The following HNRNPA1L2 variants were observed in gnomAD, a reference collection of about 807,000 sequenced individuals.
The protein encoded by HNRNPA1L2 is heterogeneous nuclear ribonucleoprotein A1 like 2, also known as heterogeneous nuclear ribonucleoprotein A1-like 2.
HNRNPA1L2 carries 10 observed loss-of-function variants against 18.2 expected under a neutral mutation model. That is an observed-to-expected ratio of 0.55 (90% CI 0.34 to 0.93). The LOEUF is 0.93. Ranked by LOEUF, HNRNPA1L2 falls within the 40% of genes least tolerant of loss-of-function variation. The pLI is 0.02. For missense variants in HNRNPA1L2, 308 were observed against 394.4 expected, an observed-to-expected ratio of 0.78 and a Z score of 1.85; for synonymous variants, 124 against 138.6, an observed-to-expected ratio of 0.89 and a Z score of 0.74.
Position 52,643,015 on chromosome 13 carries a change from T to C in HNRNPA1L2, c.523T>C (p.Cys175Arg), listed in dbSNP as rs773801870. 1 of 1,597,554 alleles carries C rather than the reference T, an allele frequency of 6.3e-7. No homozygotes were observed. Among genetic ancestry groups the C allele is most frequent in the Non-Finnish European group, 8.5e-7 (1 of 1,179,788 alleles). Residue 175 changes from cysteine (C) to arginine (R), a missense_variant, in exon 1 of 1, where the codon TGT becomes CGT. Cys to Arg is a radical substitution (Grantham distance 180). Transcript: ENST00000357495. Reference protein sequence around the residue: ...QKYHTVKGHNCEVRKALPKQE... With the variant: ...QKYHTVKGHNREVRKALPKQE... ...ATACCATACTGTGAAGGGCCACAAC[T>C]GTGAAGTTAGAAAAGCCCTGCCAAA... is the stretch of plus-strand genomic sequence containing the variant.
At chr13:52,632,221 G>A in the HNRNPA1L2 span, among the ~76,000 whole-genome samples, 1 of 152,164 alleles carries the variant, frequency 6.6e-6, no homozygotes, top group Admixed American at 6.5e-5. Flanking sequence ...TGCTGTAACT[G>A]ATTTGTTGTA....
chr13:52,619,919 C>CAAAAAAA, the HNRNPA1L2 span, among the ~76,000 whole-genome samples: 5 of 69,146 alleles, frequency 7.2e-5, no homozygotes, highest in East Asian at 5.0e-4. Flanking sequence ...GATTCCGTCT[C>CAAAAAAA]AAAAAAAAAA....
chr13:52,642,331 G>A (rs914417919), upstream of HNRNPA1L2: 12 of 919,304 alleles, frequency 1.3e-5, no homozygotes, highest in African/African-American at 1.7e-5. Flanking sequence ...ACTAAAAAAT[G>A]TTCAGGCCCA....
chr13:52,636,935 G>A, the HNRNPA1L2 span, among the ~76,000 whole-genome samples: 354 of 152,122 alleles, frequency 2.3e-3, no homozygotes, highest in African/African-American at 6.2e-3. Flanking sequence ...GGGTTCAAGC[G>A]GTTCTCCTGC....
At chr13:52,623,733 T>C in the HNRNPA1L2 span, among the ~76,000 whole-genome samples, 9,356 of 152,276 alleles carry the variant, frequency 0.061, 331 homozygotes, top group African/African-American at 0.095. Context: ...CTTTGTATTA[T>C]ATATTAAATC....
At chr13:52,630,664 G>A in the HNRNPA1L2 span, among the ~76,000 whole-genome samples, 1 of 152,204 alleles carries the variant, frequency 6.6e-6, no homozygotes, top group Non-Finnish European at 1.5e-5. Flanking sequence ...TCAGGCACTT[G>A]AGTTAACTCC....
chr13:52,637,807 T>C (rs1859939023), upstream of HNRNPA1L2, among the ~76,000 whole-genome samples: 3 of 152,204 alleles, frequency 2.0e-5, no homozygotes, highest in Admixed American at 6.5e-5. Flanking sequence ...GGTCATTTCA[T>C]CATGCCTTTA....
the HNRNPA1L2 span, chr13:52,617,574 C>A: frequency 1.3e-5 from 6 of 450,704 alleles, no homozygotes; most frequent in South Asian, 8.6e-5. Flanking sequence ...CCTAGAGTCT[C>A]GGCGTTTCTA....
At chr13:52,637,507 C>T (rs548588944), upstream of HNRNPA1L2, 25 of 196,632 alleles carry the variant, frequency 1.3e-4, no homozygotes, top group South Asian at 2.0e-3. Flanking sequence ...GCCAGATATT[C>T]ACTTTTAGAG....
At chr13:52,637,174 C>A in the HNRNPA1L2 span, 1 of 152,598 alleles carries the variant, frequency 6.6e-6, no homozygotes, top group South Asian at 2.1e-4. Flanking sequence ...CCGTGAGTAA[C>A]TTTTTATTAT....
chr13:52,630,050 T>A, the HNRNPA1L2 span, among the ~76,000 whole-genome samples: 4 of 152,160 alleles, frequency 2.6e-5, no homozygotes, highest in Middle Eastern at 3.2e-3. Flanking sequence ...ATCGTGCCAC[T>A]GTACCCTATA....
the HNRNPA1L2 span, among the ~76,000 whole-genome samples, chr13:52,622,892 C>G: frequency 6.6e-6 from 1 of 151,622 alleles, no homozygotes; most frequent in African/African-American, 2.4e-5. Context: ...TGATGTATTT[C>G]AGGGATGTCA....
In HNRNPA1L2 at chr13:52,642,665, G is replaced by T; in HGVS notation, c.173G>T (p.Gly58Val). 1.2e-6 allele frequency: 2 copies of T among 1,610,838 alleles called. No individual in the cohort carries two copies. The highest frequency in any genetic ancestry group is 2.2e-5 in the South Asian group (2 of 90,958). Residue 58 changes from glycine to valine, a missense_variant, in exon 1 of 1, where the codon GGG becomes GTG. Transcript: ENST00000357495. ...AACACCAAGCGCTCCAGGGGCTTTG[G>T]GTTTGTCACATATGCCACTGTGGAG... The part of the protein sequence containing the change: ...DPNTKRSRGF[G>V]FVTYATVEEV...
the HNRNPA1L2 span, among the ~76,000 whole-genome samples, chr13:52,622,444 G>T: frequency 6.6e-6 from 1 of 152,148 alleles, no homozygotes; most frequent in Non-Finnish European, 1.5e-5. Flanking sequence ...TGCTGTAATT[G>T]TATTATATTT....
the HNRNPA1L2 span, among the ~76,000 whole-genome samples, chr13:52,623,220 C>G: frequency 6.6e-6 from 1 of 152,218 alleles, no homozygotes; most frequent in South Asian, 2.1e-4. Flanking sequence ...TTTAAGGCTA[C>G]CAGACCTGTT....
the HNRNPA1L2 span, among the ~76,000 whole-genome samples, chr13:52,619,288 C>T: frequency 4.0e-5 from 6 of 150,988 alleles, no homozygotes; most frequent in Admixed American, 2.0e-4. Context: ...CCACCACGCC[C>T]GGCCAACTTT....
the HNRNPA1L2 span, among the ~76,000 whole-genome samples, chr13:52,635,606 AC>A: frequency 3.4e-5 from 5 of 148,778 alleles, no homozygotes; most frequent in Non-Finnish European, 6.0e-5. Context: ...ACACACACAC[AC>A]ACACACACAC....
At chr13:52,639,306 G>A (rs535257697), upstream of HNRNPA1L2, among the ~76,000 whole-genome samples, 152 of 152,250 alleles carry the variant, frequency 1.0e-3, no homozygotes, top group African/African-American at 3.1e-3. Context: ...TTCTGAGTAC[G>A]TTTAAGGTAG....
chr13:52,635,891 C>T, the HNRNPA1L2 span, among the ~76,000 whole-genome samples: 7 of 143,154 alleles, frequency 4.9e-5, no homozygotes, highest in Admixed American at 7.6e-5. Context: ...AGTGCAATGG[C>T]GCGACCTCGG....
Sources: gnomAD v4.1 joint callset for allele counts (sites outside exome capture counted in the v4.1 genomes callset) on GRCh38, gnomAD v4.1.1 for gene constraint, MANE v1.5 for transcripts, NCBI Gene and HGNC (gene_info 2026-07-23, HGNC 2026-07-21) for gene names.